The following DPP6 variants were observed in gnomAD, a reference collection of about 807,000 sequenced individuals.
DPP6 encodes A-type potassium channel modulatory protein DPP6.
A neutral mutation model predicts 122.6 loss-of-function variants in DPP6; 69 were observed. The ratio of observed to expected loss-of-function variants is 0.56; its 90% CI spans 0.46 to 0.69. The LOEUF (loss-of-function observed/expected upper bound fraction) is 0.69. DPP6 is among the 30% of genes least tolerant of loss of function. The probability of loss-of-function intolerance (pLI) is 0.00; values close to 1 mark genes in which losing one functional copy is unlikely to be tolerated. For missense variants in DPP6, 928 were observed against 1,116.9 expected (o/e 0.83, Z 2.41); for synonymous variants, 418 against 433.1 (o/e 0.97, Z 0.43).
chr7:154,623,245 G>C (rs55858298), intron 5 of DPP6, among the ~76,000 whole-genome samples: 1 of 152,072 alleles, frequency 6.6e-6, no homozygotes, highest in Non-Finnish European at 1.5e-5. Context: ...TGCTGTTGCC[G>C]GTGCGTTGCA....
intron 7 of DPP6, among the ~76,000 whole-genome samples, chr7:154,724,200 T>C (rs1036912617): frequency 6.6e-6 from 1 of 152,104 alleles, no homozygotes; most frequent in Admixed American, 6.5e-5. Flanking sequence ...TGTATCAAAA[T>C]CTGAGGACCA....
At chr7:154,367,663 C>T (rs750302269) in intron 1 of DPP6, among the ~76,000 whole-genome samples, 2 of 152,084 alleles carry the variant, frequency 1.3e-5, no homozygotes, top group Non-Finnish European at 2.9e-5. Flanking sequence ...CAGGAACATA[C>T]CCAACATATA....
At chr7:153,939,982 T>G (rs1752682955) in intron 1 of DPP6, among the ~76,000 whole-genome samples, 1 of 152,038 alleles carries the variant, frequency 6.6e-6, no homozygotes, top group African/African-American at 2.4e-5. Context: ...GCAGAAGGTG[T>G]AAAGGGAGGT....
chr7:154,009,637 C>G (rs151214164), intron 1 of DPP6, among the ~76,000 whole-genome samples: 1,784 of 151,824 alleles, frequency 0.012, 39 homozygotes, highest in African/African-American at 0.04. Context: ...AATTAGATAC[C>G]AGCTCATTAA....
At chr7:154,363,631 G>A (rs748087584) in intron 1 of DPP6, among the ~76,000 whole-genome samples, 2 of 152,146 alleles carry the variant, frequency 1.3e-5, no homozygotes, top group African/African-American at 2.4e-5. Flanking sequence ...ACCATGCTCC[G>A]TGGGTTGACA....
chr7:153,886,848 C>T (rs966391797), upstream of DPP6, among the ~76,000 whole-genome samples: 2 of 152,168 alleles, frequency 1.3e-5, no homozygotes, highest in African/African-American at 4.8e-5. Context: ...CTCTTCCCGG[C>T]CTCTCCCTTC....
At chr7:154,632,048 T>G (rs1835439952) in intron 5 of DPP6, among the ~76,000 whole-genome samples, 1 of 152,110 alleles carries the variant, frequency 6.6e-6, no homozygotes, top group Admixed American at 6.6e-5. Context: ...AGGAAAGTGA[T>G]GTACAGAAAA....
chr7:154,857,598 C>A lies in DPP6; in HGVS notation c.1714+3771C>A, dbSNP rs148525193. Among the ~76,000 whole-genome samples, 568 of 152,334 alleles carry A rather than the reference C, an allele frequency of 3.7e-3. 4 individuals carry two copies. The highest frequency in any genetic ancestry group is 0.012 in the African/African-American group (519 of 41,572). The stretch of plus-strand genomic sequence containing the variant: ...CCAACCCAGCTGTGTCTTCCCCAAA[C>A]AAAATGCACTGAGTTTTCATTTTGT... On this transcript the variant is annotated intron_variant, in intron 17 of 25. Coordinates refer to ENST00000377770, the MANE Select transcript of DPP6 (RefSeq NM_130797.4).
chr7:154,603,786 G>C (rs1175924589), intron 5 of DPP6, among the ~76,000 whole-genome samples: 2 of 114,476 alleles, frequency 1.7e-5, no homozygotes, highest in African/African-American at 5.5e-5. Flanking sequence ...AGACATAAAA[G>C]AATAAAACTA....
At chr7:153,899,588 A>G (rs1799556732) in intron 1 of DPP6, among the ~76,000 whole-genome samples, 1 of 152,236 alleles carries the variant, frequency 6.6e-6, no homozygotes, top group Non-Finnish European at 1.5e-5. Context: ...TTGGACTTTG[A>G]ATATCATTAA....
intron 1 of DPP6, among the ~76,000 whole-genome samples, chr7:153,983,834 T>C (rs1465607668): frequency 2.0e-5 from 3 of 151,896 alleles, no homozygotes; most frequent in African/African-American, 4.8e-5. Context: ...CTGAGTGAGG[T>C]GATGCCCCAC....
At chr7:154,059,999 G>C (rs1585263000) in intron 1 of DPP6, among the ~76,000 whole-genome samples, 1 of 151,852 alleles carries the variant, frequency 6.6e-6, no homozygotes, top group African/African-American at 2.4e-5. Context: ...TGGCTGTTGG[G>C]ACCCGCATCG....
intron 1 of DPP6, among the ~76,000 whole-genome samples, chr7:153,966,944 G>A (rs2129031509): frequency 6.6e-6 from 1 of 151,562 alleles, no homozygotes; most frequent in East Asian, 1.9e-4. Flanking sequence ...TCATCTGCCT[G>A]TAGTCCCAGC....
intron 7 of DPP6, among the ~76,000 whole-genome samples, chr7:154,698,039 C>T (rs563964505): frequency 6.6e-6 from 1 of 152,118 alleles, no homozygotes; most frequent in Admixed American, 6.5e-5. Flanking sequence ...GGAAAAAAAG[C>T]CTTTTTAAAA....
At chr7:154,804,123 G>A (rs531916040) in intron 14 of DPP6, among the ~76,000 whole-genome samples, 168 bp downstream of exon 14, 25 of 152,256 alleles carry the variant, frequency 1.6e-4, no homozygotes, top group Middle Eastern at 6.8e-3. Context: ...GTAGATTCCC[G>A]TCCCAACAGT....
At chr7:154,695,569 T>G (rs896074375) in intron 7 of DPP6, among the ~76,000 whole-genome samples, 2 of 151,946 alleles carry the variant, frequency 1.3e-5, no homozygotes, top group African/African-American at 4.8e-5. Flanking sequence ...ACATAGTGAT[T>G]TGGTGTTTTG....
chr7:153,805,668 C>G, the DPP6 span, among the ~76,000 whole-genome samples: 3 of 152,136 alleles, frequency 2.0e-5, no homozygotes, highest in Admixed American at 6.5e-5. Flanking sequence ...GAATACTATG[C>G]AGCCATAAAA....
intron 1 of DPP6, among the ~76,000 whole-genome samples, chr7:153,998,979 G>A (rs1478077683): frequency 6.6e-6 from 1 of 152,228 alleles, no homozygotes; most frequent in Non-Finnish European, 1.5e-5. Flanking sequence ...GAGCCAAAGA[G>A]CTTCTGTGAG....
intron 1 of DPP6, among the ~76,000 whole-genome samples, chr7:154,067,460 A>C (rs539936555): frequency 6.6e-6 from 1 of 152,102 alleles, no homozygotes; most frequent in Non-Finnish European, 1.5e-5. Flanking sequence ...CATGGTTATC[A>C]GAGAAGCAGC....
Sources: allele counts gnomAD v4.1 joint callset (sites outside exome capture counted in the v4.1 genomes callset), GRCh38; gene constraint gnomAD v4.1.1; transcripts MANE v1.5; gene names NCBI Gene and HGNC (gene_info 2026-07-23, HGNC 2026-07-21).